FSTL5: variants seen among roughly 807,000 people sequenced by gnomAD.
FSTL5 encodes the protein follistatin like 5.
A neutral mutation model predicts 89.1 loss-of-function variants in FSTL5; 62 were observed. The observed-to-expected ratio is 0.70, with a 90% confidence interval of 0.57 to 0.86. The LOEUF is 0.86. Among genes scored for constraint, FSTL5 ranks in the 40% least tolerant of loss-of-function variants. FSTL5 has a pLI of 0.00. For missense variants in FSTL5, 1,057 were observed against 1,001.6 expected, an observed-to-expected ratio of 1.06 and a Z score of -0.75; for synonymous variants, 383 against 346.2, an observed-to-expected ratio of 1.11 and a Z score of -1.18.
intron 15 of FSTL5, among the ~76,000 whole-genome samples, chr4:161,452,047 C>T (rs1191690439): frequency 6.6e-6 from 1 of 152,196 alleles, no homozygotes; most frequent in Non-Finnish European, 1.5e-5. Flanking sequence ...ACACATGTTT[C>T]AGACCCTCTG....
chr4:161,781,391 G>A (rs145828843), intron 4 of FSTL5, among the ~76,000 whole-genome samples: 2 of 152,088 alleles, frequency 1.3e-5, no homozygotes, highest in African/African-American at 4.8e-5. Flanking sequence ...GATTGAAAGT[G>A]TCAATTGTAT....
chr4:161,721,816 C>G (rs1462321938), intron 6 of FSTL5, among the ~76,000 whole-genome samples: 17 of 152,162 alleles, frequency 1.1e-4, no homozygotes, highest in Non-Finnish European at 1.5e-5. Context: ...AATAGAAATT[C>G]TTCAAACGCT....
Position 161,747,765 on chromosome 4 carries a change from G to A in FSTL5, c.727+11646C>T, listed in dbSNP as rs967802268. On this transcript the variant is annotated intron_variant, in intron 6 of 15. Coordinates refer to ENST00000306100, the MANE Select transcript of FSTL5 (RefSeq NM_020116.5). ...ATTGCAGATGATATGCAGCACTCAGGCCCTAACAAAATCCTCACTCAGGCA... is the reference window on the plus strand; with the variant it reads ...ATTGCAGATGATATGCAGCACTCAGACCCTAACAAAATCCTCACTCAGGCA... 2.0e-5 allele frequency among the ~76,000 whole-genome samples: 3 copies of A among 152,104 alleles called. No homozygotes were observed. The East Asian group carries it at 5.8e-4, about 29-fold the overall frequency.
At chr4:161,685,880 T>C (rs1395073431) in intron 6 of FSTL5, among the ~76,000 whole-genome samples, 3 of 152,172 alleles carry the variant, frequency 2.0e-5, no homozygotes, top group Non-Finnish European at 4.4e-5. Flanking sequence ...CAGTATTATG[T>C]TGGCTGTGAG....
chr4:162,043,601 C>T (rs1271293688), intron 2 of FSTL5, among the ~76,000 whole-genome samples: 3 of 152,082 alleles, frequency 2.0e-5, no homozygotes, highest in Admixed American at 6.6e-5. Context: ...ATGAAGTTTG[C>T]TGCATTGATT....
intron 7 of FSTL5, among the ~76,000 whole-genome samples, chr4:161,619,531 G>C (rs961536165): frequency 6.6e-6 from 1 of 152,076 alleles, no homozygotes; most frequent in African/African-American, 2.4e-5. Flanking sequence ...GTGGGCGAAG[G>C]ACATGAACAG....
At chr4:161,444,647 C>G (rs1732883958) in intron 15 of FSTL5, among the ~76,000 whole-genome samples, 1 of 151,874 alleles carries the variant, frequency 6.6e-6, no homozygotes, top group South Asian at 2.1e-4. Context: ...CAAGTAAATA[C>G]AGATAGGCAC....
chr4:162,011,274 T>G (rs1052397240), intron 3 of FSTL5, among the ~76,000 whole-genome samples: 4 of 152,156 alleles, frequency 2.6e-5, no homozygotes, highest in Admixed American at 6.5e-5. Flanking sequence ...CAGGCTCATA[T>G]TGAGTTATAT....
rs1279555427 is a variant in FSTL5, at chr4:161,514,661, G to T, written c.1313-4237C>A. ...AAATGGAGAATCAAAATATTGAATT[G>T]TGATTACTATTTAAAATTAATTTTT... On this transcript the variant is annotated intron_variant, in intron 10 of 15. Transcript: ENST00000306100. Among the ~76,000 whole-genome samples the T allele has an allele frequency of 3.3e-5, 5 of 152,060 alleles. No homozygotes were observed. In the East Asian group the frequency reaches 9.6e-4, roughly 29 times the overall value.
chr4:161,949,592 T>C (rs1370610250), intron 3 of FSTL5, among the ~76,000 whole-genome samples: 1 of 151,994 alleles, frequency 6.6e-6, no homozygotes, highest in East Asian at 1.9e-4. Context: ...CTTTTTGAAC[T>C]TCAGTTTACA....
At chr4:162,050,878 T>G (rs1738356268) in intron 2 of FSTL5, among the ~76,000 whole-genome samples, 1 of 151,390 alleles carries the variant, frequency 6.6e-6, no homozygotes, top group South Asian at 2.1e-4. Context: ...TAGAAGAAAT[T>G]AGGCCTATAA....
chr4:161,743,084 A>G (rs954152931), intron 6 of FSTL5, among the ~76,000 whole-genome samples: 5 of 152,084 alleles, frequency 3.3e-5, no homozygotes, highest in African/African-American at 1.2e-4. Context: ...TAATGTATCT[A>G]TATTTTATTT....
chr4:161,633,296 T>TATC (rs1735563894), intron 7 of FSTL5, among the ~76,000 whole-genome samples: 1 of 132,944 alleles, frequency 7.5e-6, no homozygotes, highest in Non-Finnish European at 1.5e-5. Flanking sequence ...TTCTTTTTAT[T>TATC]ATTATTATTA....
chr4:161,934,926 T>C (rs1323651968), intron 3 of FSTL5, among the ~76,000 whole-genome samples: 1 of 152,152 alleles, frequency 6.6e-6, no homozygotes, highest in South Asian at 2.1e-4. Context: ...TTAATAATTA[T>C]TGAAACAATA....
chr4:161,529,222 G>C (rs73859244), intron 10 of FSTL5, among the ~76,000 whole-genome samples: 4,434 of 143,044 alleles, frequency 0.031, 606 homozygotes, highest in African/African-American at 0.1. Context: ...TGTGCAAAAA[G>C]TGGCAACATG....
At chr4:161,697,765 A>G (rs1049056980) in intron 6 of FSTL5, among the ~76,000 whole-genome samples, 2 of 152,190 alleles carry the variant, frequency 1.3e-5, no homozygotes, top group African/African-American at 4.8e-5. Flanking sequence ...GACAAATACC[A>G]CATGTTCTCA....
Position 161,706,588 on chromosome 4 carries a change from T to C in FSTL5, c.728-50094A>G, listed in dbSNP as rs537959875. On this transcript the variant is annotated intron_variant, in intron 6 of 15. Coordinates refer to ENST00000306100, the MANE Select transcript of FSTL5 (RefSeq NM_020116.5). ...AAAATTAGTGAAAGCTGTTACAGGA[T>C]ATTTGTTAATACTGAGGTGTCCTCT... 7.2e-5 allele frequency among the ~76,000 whole-genome samples: 11 copies of C among 152,208 alleles called. No homozygotes were observed. In the East Asian group the frequency reaches 2.1e-3, roughly 29 times the overall value.
intron 6 of FSTL5, among the ~76,000 whole-genome samples, chr4:161,743,331 A>G (rs1740090096): frequency 6.6e-6 from 1 of 152,142 alleles, no homozygotes; most frequent in African/African-American, 2.4e-5. Flanking sequence ...ACTCTTGTTG[A>G]AAACTGTTAG....
At chr4:161,558,635 T>A (rs1335416774) in intron 8 of FSTL5, among the ~76,000 whole-genome samples, 2 of 151,876 alleles carry the variant, frequency 1.3e-5, no homozygotes, top group East Asian at 3.9e-4. Context: ...TCTGATTGTA[T>A]TTAATATAGT....
Sources: gnomAD v4.1 joint callset for allele counts (sites outside exome capture counted in the v4.1 genomes callset) on GRCh38, gnomAD v4.1.1 for gene constraint, MANE v1.5 for transcripts, NCBI Gene and HGNC (gene_info 2026-07-23, HGNC 2026-07-21) for gene names.